Variants in SLC12A2 observed in about 807,000 individuals in gnomAD.
The protein encoded by SLC12A2 is Na-K-2Cl cotransporter 1.
Under a neutral mutation model 136.3 loss-of-function variants are expected in SLC12A2, and 67 were observed. The observed-to-expected ratio is 0.49, with a 90% CI of 0.40 to 0.60. The LOEUF (loss-of-function observed/expected upper bound fraction) is 0.60, where lower values mean the gene tolerates loss of function less well. Among genes scored for constraint, SLC12A2 ranks in the 20% least tolerant of loss-of-function variants. SLC12A2 has a pLI of 0.00. For synonymous variants in SLC12A2, 619 were observed against 562.9 expected, an observed-to-expected ratio of 1.10 and a Z score of -1.41; for missense variants, 1,322 against 1,534.7, an observed-to-expected ratio of 0.86 and a Z score of 2.32.
chr5:128,186,450 C>G, intron 26 of SLC12A2, 46 bp from the exon 27 acceptor site: 1 of 1,535,146 alleles, frequency 6.5e-7, no homozygotes, highest in Non-Finnish European at 8.7e-7. Context: ...TCTGTAAATG[C>G]ATTGCTCAGG....
intron 19 of SLC12A2, among the ~76,000 whole-genome samples, chr5:128,173,496 T>C (rs544588377): frequency 2.0e-5 from 3 of 152,364 alleles, no homozygotes; most frequent in South Asian, 2.1e-4. Context: ...GAATGCCTTA[T>C]TATTCATCAT....
intron 1 of SLC12A2, among the ~76,000 whole-genome samples, chr5:128,100,486 A>G (rs1308702146): frequency 6.6e-6 from 1 of 152,120 alleles, no homozygotes. Flanking sequence ...AAATATTCCA[A>G]AATCTGAAAA....
At chr5:128,102,616 T>TTTTTTTTTTTTTTTTTTTTTTTG (rs1760785578) in intron 1 of SLC12A2, among the ~76,000 whole-genome samples, 1 of 110,528 alleles carries the variant, frequency 9.0e-6, no homozygotes, top group African/African-American at 3.5e-5. Flanking sequence ...TTTTTTTTTT[T>TTTTTTTTTTTTTTTTTTTTTTTG]TTTTTTTTTT....
intron 26 of SLC12A2, among the ~76,000 whole-genome samples, chr5:128,185,398 T>C (rs1484757218): frequency 6.6e-6 from 1 of 152,172 alleles, no homozygotes; most frequent in African/African-American, 2.4e-5. Context: ...TTAGCTATTC[T>C]TTGAACCCAC....
intron 4 of SLC12A2, among the ~76,000 whole-genome samples, chr5:128,118,576 T>G (rs1043077129): frequency 6.6e-6 from 1 of 151,882 alleles, no homozygotes; most frequent in Non-Finnish European, 1.5e-5. Context: ...GGTGGAAGGG[T>G]GGGAGGTGGG....
intron 1 of SLC12A2, chr5:128,109,583 TG>T: frequency 2.8e-6 from 2 of 722,408 alleles, no homozygotes; most frequent in Admixed American, 1.8e-5. Context: ...GAGCAAAATA[TG>T]GGGACCCAGG....
chr5:128,098,063 T>G (rs1760607955), intron 1 of SLC12A2, among the ~76,000 whole-genome samples: 1 of 152,124 alleles, frequency 6.6e-6, no homozygotes, highest in Admixed American at 6.6e-5. Context: ...CTGTGTAAGA[T>G]GTTATTTTTC....
chr5:128,119,571 A>C (rs1409701013), intron 4 of SLC12A2, among the ~76,000 whole-genome samples: 1 of 152,096 alleles, frequency 6.6e-6, no homozygotes, highest in Non-Finnish European at 1.5e-5. Context: ...GTTCTGTTCC[A>C]TTGATCTATA....
chr5:128,151,557 T>G (rs1036977849), intron 14 of SLC12A2, among the ~76,000 whole-genome samples, 161 bp downstream of exon 14: 1 of 106,886 alleles, frequency 9.4e-6, no homozygotes, highest in Non-Finnish European at 1.9e-5. Flanking sequence ...ACTCCTAAAG[T>G]TTTTTTTTTT....
chr5:128,188,228 T>G lies in SLC12A2; in HGVS notation c.*1597T>G, dbSNP rs1763927373. ...GGAGAATACTTCGCCTAAAATACTG[T>G]TAAGTGGGTTAATTGATACAAGTTT... On this transcript the variant is annotated 3_prime_UTR_variant, in exon 27 of 27. Coordinates refer to ENST00000262461, the MANE Select transcript of SLC12A2 (RefSeq NM_001046.3). 1 of 151,938 alleles carries G rather than the reference T, an allele frequency of 6.6e-6. No individual in the cohort carries two copies. Among genetic ancestry groups the G allele is most frequent in the Non-Finnish European group, 1.5e-5 (1 of 67,986 alleles). The allele number at this position is 151,938 out of a possible 1,614,324, so 9.4% of individuals were successfully genotyped here. A position where few individuals can be genotyped will look rare whatever the true frequency, so the allele number is the denominator to read the frequency against.
intron 5 of SLC12A2, among the ~76,000 whole-genome samples, chr5:128,131,621 G>A (rs575855945): frequency 3.2e-4 from 49 of 151,656 alleles, no homozygotes; most frequent in African/African-American, 9.2e-4. Flanking sequence ...GGAGAATGGT[G>A]TGAACCCAGG....
At position 128,189,340 on chromosome 5, in the gene SLC12A2, ATTGAGTT is replaced by A. The variant is rs1171185529; in HGVS notation, c.*2711_*2717del. On this transcript the variant is annotated 3_prime_UTR_variant, in exon 27 of 27. Transcript: ENST00000262461. ...AGTTCATTATTCCTATAAGAATTAA[ATTGAGTT>A]TAGAGAGAATGGTGGTGTTGAGCTG... 2 of 152,180 alleles carry A rather than the reference ATTGAGTT, an allele frequency of 1.3e-5. No homozygotes were observed. Among genetic ancestry groups the A allele is most frequent in the Non-Finnish European group, 2.9e-5 (2 of 68,012 alleles). 9.4% of individuals were successfully genotyped at this position (152,180 alleles called of 1,614,324 possible).
At position 128,141,924 on chromosome 5, in the gene SLC12A2, T is replaced by A; in HGVS notation, c.1716T>A (p.Phe572Leu). 2 of 1,614,044 alleles carry A rather than the reference T, an allele frequency of 1.2e-6. No individual in the cohort carries two copies. Among genetic ancestry groups the A allele is most frequent in the African/African-American group, 1.3e-5 (1 of 75,020 alleles). Reference protein sequence around the residue: ...NCTSAACKLNFDFSSCESSPC... With the variant: ...NCTSAACKLNLDFSSCESSPC... ...CTTCTGCAGCCTGCAAATTAAACTTTGATTTTTCATCTTGTGAAAGCAGTC... is the reference window on the plus strand; with the variant it reads ...CTTCTGCAGCCTGCAAATTAAACTTAGATTTTTCATCTTGTGAAAGCAGTC... The change falls in exon 10 of 27, where the codon TTT becomes TTA. Residue 572 changes from phenylalanine to leucine, a missense_variant. By Grantham distance (22) the Phe-to-Leu change is conservative (BLOSUM62 0). This residue lies in a region of SLC12A2 where 294 missense variants were observed against 436.6 expected (regional missense o/e 0.67). Transcript: ENST00000262461.
At chr5:128,148,990 CAAAG>C (rs1762614626) in intron 12 of SLC12A2, 113 bp downstream of exon 12, 1 of 953,012 alleles carries the variant, frequency 1.0e-6, no homozygotes, top group South Asian at 1.9e-5. Context: ...TCTTTGTAAT[CAAAG>C]AAAGTTTATA....
intron 14 of SLC12A2, among the ~76,000 whole-genome samples, chr5:128,151,757 A>G (rs1762710898): frequency 6.6e-6 from 1 of 152,156 alleles, no homozygotes; most frequent in Non-Finnish European, 1.5e-5. Context: ...TAGTAGCTGT[A>G]TAGCCTAATA....
At chr5:128,149,159 G>A (rs1762619581) in intron 12 of SLC12A2, among the ~76,000 whole-genome samples, 1 of 151,936 alleles carries the variant, frequency 6.6e-6, no homozygotes, top group Middle Eastern at 3.4e-3. Flanking sequence ...TGTGACATCA[G>A]TGCCTTTGAT....
At position 128,084,254 on chromosome 5, in the gene SLC12A2, G is replaced by A. The variant is rs1759963000; in HGVS notation, c.300G>A (p.Ala100=). Residue 100 remains alanine (A), a synonymous_variant, in exon 1 of 27, where the codon GCG becomes GCA. Transcript: ENST00000262461. The surrounding 1 kb of genome is among the most constrained non-coding windows in gnomAD (Gnocchi z 5.6). ...GGGCCGCTGCTGCGGCGGCGGCGGC[G>A]GCGGCGGCAGCGGCGGCGGCTGGTG... The part of the protein sequence containing the change: ...AGRAAAAAAA[A]AAAAAAAGAG... 8.1e-7 allele frequency: 1 copy of A among 1,238,218 alleles called. No homozygotes were observed. The highest frequency in any genetic ancestry group is 1.0e-6 in the Non-Finnish European group (1 of 987,652). 76.7% of individuals were successfully genotyped at this position (1,238,218 alleles called of 1,614,324 possible). A position where few individuals can be genotyped will look rare whatever the true frequency, so the allele number is the denominator to read the frequency against.
chr5:128,170,290 TATTA>T (rs1454718655), intron 18 of SLC12A2: 19 of 152,346 alleles, frequency 1.2e-4, no homozygotes, highest in African/African-American at 4.3e-4. Context: ...TTTTCTCTAG[TATTA>T]ATTATATCTT....
rs1243644024 is a variant in SLC12A2 at position 128,084,296 on chromosome 5, G to C, written c.342G>C (p.Lys114Asn). 9.3e-6 allele frequency: 14 copies of C among 1,498,782 alleles called. No homozygotes were observed. The East Asian group carries it at 3.2e-4, about 34-fold the overall frequency. 92.8% of individuals were successfully genotyped at this position (1,498,782 alleles called of 1,614,324 possible). ...CGGCTGGTGCTGGGGCGGGGGCCAA[G>C]CAGACCCCCGCGGACGGGGAAGCCA... ...AAAAGAGAGA[K>N]QTPADGEASG... Residue 114 changes from lysine to asparagine, a missense_variant, in exon 1 of 27, where the codon AAG becomes AAC. Lys to Asn is a moderately conservative substitution (Grantham distance 94). This residue lies in a region of SLC12A2 where 358 missense variants were observed against 299.7 expected (regional missense o/e 1.19). Transcript: ENST00000262461. This position sits in a 1 kb window ranked among gnomAD's most constrained non-coding sequence, Gnocchi z 5.6.
Sources: gnomAD v4.1 joint callset for allele counts (sites outside exome capture counted in the v4.1 genomes callset) on GRCh38, gnomAD v4.1.1 for gene constraint, gnomAD v4.1.1 regional missense constraint, Gnocchi (gnomAD v3.1) non-coding constraint, MANE v1.5 for transcripts, NCBI Gene and HGNC (gene_info 2026-07-23, HGNC 2026-07-21) for gene names.